PTPRD: variants seen among roughly 807,000 people sequenced by gnomAD.
PTPRD encodes the protein protein tyrosine phosphatase receptor type D, also known as receptor-type tyrosine-protein phosphatase delta.
In PTPRD, 34 loss-of-function variants were observed where a neutral mutation model predicts 214.5. The ratio of observed to expected loss-of-function variants is 0.16; its 90% CI spans 0.12 to 0.21. The LOEUF is 0.21. Ranked by LOEUF, PTPRD falls within the 10% of genes least tolerant of loss-of-function variation. The pLI is 1.00. For missense variants in PTPRD, 2,545 were observed against 2,398.7 expected (o/e 1.06, Z -1.27); for synonymous variants, 1,128 against 845.7 (o/e 1.33, Z -5.79).
chr9:9,206,111 G>T (rs1397889455), intron 9 of PTPRD, among the ~76,000 whole-genome samples: 1 of 152,182 alleles, frequency 6.6e-6, no homozygotes, highest in East Asian at 1.9e-4. Context: ...CATTCTAGAG[G>T]TTGGCAAATT....
intron 3 of PTPRD, among the ~76,000 whole-genome samples, chr9:10,081,249 C>T (rs1030155170): frequency 2.0e-5 from 3 of 151,992 alleles, no homozygotes; most frequent in Non-Finnish European, 4.4e-5. Flanking sequence ...TAGCAGTGTG[C>T]TTGTTCAAGA....
chr9:8,562,668 C>T (rs902749626), intron 14 of PTPRD, among the ~76,000 whole-genome samples: 6 of 152,058 alleles, frequency 3.9e-5, no homozygotes, highest in Non-Finnish European at 8.8e-5. Context: ...AACTCCTGAG[C>T]TCAAGTGATC....
intron 2 of PTPRD, among the ~76,000 whole-genome samples, chr9:10,525,100 T>G (rs1161361144): frequency 1.3e-5 from 2 of 151,998 alleles, no homozygotes; most frequent in African/African-American, 4.8e-5. Context: ...AAGTATTATT[T>G]TGACAGTTCT....
At chr9:8,903,537 C>T (rs1195287865) in intron 11 of PTPRD, among the ~76,000 whole-genome samples, 2 of 152,096 alleles carry the variant, frequency 1.3e-5, no homozygotes, top group Admixed American at 1.3e-4. Context: ...GTAGGTTTGA[C>T]AAAAATTTTC....
Position 10,161,962 on chromosome 9 carries a change from T to C in PTPRD, c.-544-128172A>G, listed in dbSNP as rs10958928. Among the ~76,000 whole-genome samples, 1,442 of 151,742 alleles carry C rather than the reference T, an allele frequency of 9.5e-3. 13 individuals carry two copies. The highest frequency in any genetic ancestry group is 0.05 in the East Asian group (259 of 5,176). On this transcript the variant is annotated intron_variant, in intron 3 of 45. Coordinates refer to ENST00000381196, the MANE Select transcript of PTPRD (RefSeq NM_002839.4). ...TTAAAAAAATGCTTAACATCACTAATCATCAGAAAAATGCAAATCAAAACT... is the reference window on the plus strand; with the variant it reads ...TTAAAAAAATGCTTAACATCACTAACCATCAGAAAAATGCAAATCAAAACT...
chr9:9,343,262 G>C (rs1249154318), intron 9 of PTPRD, among the ~76,000 whole-genome samples: 3 of 152,064 alleles, frequency 2.0e-5, no homozygotes, highest in Admixed American at 2.0e-4. Flanking sequence ...GGGATTGCTG[G>C]GTCAAATGGT....
At chr9:9,059,918 G>A (rs1416752813) in intron 10 of PTPRD, among the ~76,000 whole-genome samples, 1 of 151,834 alleles carries the variant, frequency 6.6e-6, no homozygotes, top group Non-Finnish European at 1.5e-5. Flanking sequence ...ATAAATGGAG[G>A]GTTACCCCAT....
chr9:8,830,196 G>T (rs1426880622), intron 11 of PTPRD, among the ~76,000 whole-genome samples: 4 of 152,068 alleles, frequency 2.6e-5, no homozygotes, highest in African/African-American at 7.2e-5. Flanking sequence ...ACCTGCTCAA[G>T]GTCTCACAGC....
intron 8 of PTPRD, among the ~76,000 whole-genome samples, chr9:9,432,952 T>A (rs143941336): frequency 2.9e-4 from 44 of 152,200 alleles, no homozygotes; most frequent in Admixed American, 3.3e-4. Flanking sequence ...ACTAAGAGCA[T>A]CCCTCAGATT....
chr9:10,121,938 C>G (rs1290401847), intron 3 of PTPRD, among the ~76,000 whole-genome samples: 1 of 152,144 alleles, frequency 6.6e-6, no homozygotes, highest in Non-Finnish European at 1.5e-5. Context: ...ACTCATGTTA[C>G]AAAATCTCAA....
chr9:8,497,358 T>A (rs2097299619), intron 25 of PTPRD, 90 bp from the exon 26 acceptor site: 1 of 1,118,190 alleles, frequency 8.9e-7, no homozygotes, highest in Non-Finnish European at 1.2e-6. Flanking sequence ...CTTGTTAGAT[T>A]AAAAAAATCA....
chr9:10,033,114 T>C (rs577862128), intron 4 of PTPRD, among the ~76,000 whole-genome samples: 50 of 150,976 alleles, frequency 3.3e-4, no homozygotes, highest in Admixed American at 2.8e-3. Context: ...TTTCTGTACA[T>C]GTACCTACAG....
At chr9:9,068,802 G>A (rs889642187) in intron 10 of PTPRD, among the ~76,000 whole-genome samples, 2 of 151,920 alleles carry the variant, frequency 1.3e-5, no homozygotes, top group Non-Finnish European at 1.5e-5. Context: ...AGCAGAGATG[G>A]GGTTTCACTA....
At chr9:10,165,779 A>G (rs2099155373) in intron 3 of PTPRD, among the ~76,000 whole-genome samples, 1 of 151,336 alleles carries the variant, frequency 6.6e-6, no homozygotes, top group Non-Finnish European at 1.5e-5. Flanking sequence ...TCTCTTAAAA[A>G]AAACCATACT....
chr9:9,143,969 C>A (rs189405684), intron 10 of PTPRD, among the ~76,000 whole-genome samples: 2 of 152,264 alleles, frequency 1.3e-5, no homozygotes, highest in Admixed American at 1.3e-4. Context: ...TATTTTCCCC[C>A]TTCTAGGAGC....
chr9:9,446,176 A>C (rs935149714), intron 8 of PTPRD, among the ~76,000 whole-genome samples: 5 of 152,170 alleles, frequency 3.3e-5, no homozygotes, highest in African/African-American at 1.2e-4. Context: ...CATGATGACA[A>C]GAAAGTCAAA....
chr9:9,104,529 T>C (rs1178346276), intron 10 of PTPRD, among the ~76,000 whole-genome samples: 1 of 152,178 alleles, frequency 6.6e-6, no homozygotes, highest in Non-Finnish European at 1.5e-5. Context: ...GCAAAACCGT[T>C]ATTTCCAAAG....
At chr9:8,897,216 G>A (rs558569157) in intron 11 of PTPRD, among the ~76,000 whole-genome samples, 5 of 152,078 alleles carry the variant, frequency 3.3e-5, no homozygotes, top group South Asian at 4.1e-4. Flanking sequence ...AGGGAATATC[G>A]AACAAGCGTA....
chr9:10,310,869 G>A (rs568397417), intron 3 of PTPRD, among the ~76,000 whole-genome samples: 19 of 152,080 alleles, frequency 1.2e-4, no homozygotes, highest in African/African-American at 4.6e-4. Context: ...TTGTTACTCT[G>A]GGCAGAGGAC....
Sources: gnomAD v4.1 joint callset for allele counts (sites outside exome capture counted in the v4.1 genomes callset) on GRCh38, gnomAD v4.1.1 for gene constraint, MANE v1.5 for transcripts, NCBI Gene and HGNC (gene_info 2026-07-23, HGNC 2026-07-21) for gene names.